DNAH6: variants seen among roughly 807,000 people sequenced by gnomAD.
DNAH6 encodes dynein axonemal heavy chain 6, also known as axonemal beta dynein heavy chain 6.
Under a neutral mutation model 491.4 loss-of-function variants are expected in DNAH6, and 340 were observed. The ratio of observed to expected loss-of-function variants is 0.69; its 90% CI spans 0.63 to 0.76. The LOEUF (loss-of-function observed/expected upper bound fraction) is 0.76. Among genes scored for constraint, DNAH6 ranks in the 30% least tolerant of loss-of-function variants. The pLI, the probability that DNAH6 is intolerant of heterozygous loss-of-function variation, is 0.00. For missense variants in DNAH6, 4,443 were observed against 4,972.2 expected (o/e 0.89, Z 3.20); for synonymous variants, 1,603 against 1,686.1 (o/e 0.95, Z 1.21).
At chr2:84,653,994 T>C in intron 34 of DNAH6, 120 bp downstream of exon 34, 1 of 790,858 alleles carries the variant, frequency 1.3e-6, no homozygotes, top group Non-Finnish European at 1.9e-6. Flanking sequence ...GTGTTCTGTT[T>C]ACTTACTTAT....
intron 49 of DNAH6, among the ~76,000 whole-genome samples, chr2:84,702,572 T>A (rs1696023706): frequency 1.3e-5 from 2 of 148,484 alleles, no homozygotes; most frequent in African/African-American, 5.0e-5. Context: ...AGATGGAGTC[T>A]CGCTCTGTCA....
At chr2:84,754,645 T>C (rs1439481136) in intron 63 of DNAH6, among the ~76,000 whole-genome samples, 1 of 152,258 alleles carries the variant, frequency 6.6e-6, no homozygotes, top group Non-Finnish European at 1.5e-5. Context: ...AGCCTATATG[T>C]CTATCCTTAT....
the DNAH6 span, among the ~76,000 whole-genome samples, chr2:84,475,335 AG>A: frequency 3.3e-5 from 5 of 152,152 alleles, no homozygotes; most frequent in African/African-American, 1.2e-4. Flanking sequence ...GAGTTTGTTG[AG>A]GGGCTCAAGG....
chr2:84,515,769 C>T (rs1675548168), upstream of DNAH6, among the ~76,000 whole-genome samples: 1 of 152,132 alleles, frequency 6.6e-6, no homozygotes, highest in African/African-American at 2.4e-5. Context: ...CCCTGGCCTT[C>T]GATGGGGTCG....
chr2:84,481,688 C>T, the DNAH6 span, among the ~76,000 whole-genome samples: 1 of 152,186 alleles, frequency 6.6e-6, no homozygotes, highest in Non-Finnish European at 1.5e-5. Context: ...GGTCTACCTC[C>T]TCTATCCCCA....
intron 64 of DNAH6, among the ~76,000 whole-genome samples, chr2:84,773,867 G>A (rs1675872953): frequency 6.6e-6 from 1 of 151,912 alleles, no homozygotes; most frequent in South Asian, 2.1e-4. Flanking sequence ...TATGTTTTTG[G>A]ACGCCTGTAT....
At chr2:84,620,000 C>T in intron 24 of DNAH6, 96 bp downstream of exon 24, 3 of 1,076,590 alleles carry the variant, frequency 2.8e-6, no homozygotes, top group Middle Eastern at 4.3e-4. Flanking sequence ...GTTGGCTCAG[C>T]AGTTTCAAGG....
At chr2:84,589,653 G>A (rs59270018) in intron 16 of DNAH6, among the ~76,000 whole-genome samples, 1,663 of 150,178 alleles carry the variant, frequency 0.011, 31 homozygotes, top group African/African-American at 0.039. Flanking sequence ...CGGAGGTTGC[G>A]GTGAGCCAAG....
At chr2:84,779,985 G>C (rs1302517691) in intron 64 of DNAH6, among the ~76,000 whole-genome samples, 1 of 152,176 alleles carries the variant, frequency 6.6e-6, no homozygotes, top group Non-Finnish European at 1.5e-5. Context: ...GGCTTGTAAT[G>C]TTTTTGCTGA....
At chr2:84,602,165 C>T (rs1248580832) in intron 18 of DNAH6, among the ~76,000 whole-genome samples, 1 of 151,990 alleles carries the variant, frequency 6.6e-6, no homozygotes, top group Non-Finnish European at 1.5e-5. Flanking sequence ...ACCAGTATTA[C>T]ATTTCCAGTG....
At chr2:84,767,025 A>G (rs1675139488) in intron 64 of DNAH6, among the ~76,000 whole-genome samples, 1 of 152,130 alleles carries the variant, frequency 6.6e-6, no homozygotes, top group East Asian at 1.9e-4. Context: ...GGGAACAGAA[A>G]ATTTTAGCTG....
intron 68 of DNAH6, among the ~76,000 whole-genome samples, chr2:84,787,937 T>TG (rs1677364075): frequency 6.6e-6 from 1 of 151,706 alleles, no homozygotes; most frequent in Admixed American, 6.6e-5. Context: ...CACTGGGAAG[T>TG]GGGGGAAGGA....
At chr2:84,731,053 C>T (rs778598412) in intron 61 of DNAH6, among the ~76,000 whole-genome samples, 3 of 152,178 alleles carry the variant, frequency 2.0e-5, no homozygotes, top group Non-Finnish European at 4.4e-5. Flanking sequence ...GAAATGGTCC[C>T]AGGCACATAT....
At chr2:84,553,355 T>TTTTCTTTTCTTTC (rs1679608382) in intron 10 of DNAH6, among the ~76,000 whole-genome samples, 1 of 33,826 alleles carries the variant, frequency 3.0e-5, no homozygotes, top group African/African-American at 1.3e-4. Flanking sequence ...CTTTCTTTTC[T>TTTTCTTTTCTTTC]TTTCTTTTCT....
chr2:84,595,553 T>G, intron 17 of DNAH6, 93 bp from the exon 18 acceptor site: 1 of 1,105,498 alleles, frequency 9.0e-7, no homozygotes, highest in Non-Finnish European at 1.2e-6. Context: ...TAGTGTAGAT[T>G]TGGATTAACT....
chr2:84,546,874 T>G (rs191744085), intron 5 of DNAH6, among the ~76,000 whole-genome samples: 2 of 152,340 alleles, frequency 1.3e-5, no homozygotes, highest in Non-Finnish European at 2.9e-5. Context: ...AATTTGGCTT[T>G]CTTCTGTGTC....
At chr2:84,786,092 GAGAA>G (rs561934578) in intron 67 of DNAH6, among the ~76,000 whole-genome samples, 87 of 144,042 alleles carry the variant, frequency 6.0e-4, no homozygotes, top group Non-Finnish European at 4.4e-4. Flanking sequence ...GTGGTCTACA[GAGAA>G]AGAAAGAATG....
chr2:84,667,286 G>A (rs1373869125), intron 37 of DNAH6, among the ~76,000 whole-genome samples: 1 of 152,098 alleles, frequency 6.6e-6, no homozygotes, highest in Non-Finnish European at 1.5e-5. Context: ...CACAGCAAAA[G>A]AAACTACCAT....
intron 64 of DNAH6, chr2:84,777,597 A>ATACTT: frequency 1.2e-6 from 1 of 804,688 alleles, no homozygotes; most frequent in Non-Finnish European, 2.3e-6. Context: ...TCAGTCCCTA[A>ATACTT]ATCTGGGTGC....
Sources: gnomAD v4.1 joint callset for allele counts (sites outside exome capture counted in the v4.1 genomes callset) on GRCh38, gnomAD v4.1.1 for gene constraint, MANE v1.5 for transcripts, NCBI Gene and HGNC (gene_info 2026-07-23, HGNC 2026-07-21) for gene names.